The following CHRM2 variants were observed in gnomAD, a reference collection of about 807,000 sequenced individuals.
CHRM2 encodes cholinergic receptor muscarinic 2.
In CHRM2, 8 loss-of-function variants were observed where a neutral mutation model predicts 25.0. The ratio of observed to expected loss-of-function variants is 0.32; its 90% CI spans 0.19 to 0.58. The LOEUF is 0.58. CHRM2 is among the 20% of genes least tolerant of loss of function. CHRM2 has a pLI of 0.88. For synonymous variants in CHRM2, 202 were observed against 205.7 expected (o/e 0.98, Z 0.15); for missense variants, 440 against 567.1 (o/e 0.78, Z 2.28).
At chr7:137,013,773 C>T (rs938808636) in intron 3 of CHRM2, among the ~76,000 whole-genome samples, 2 of 151,962 alleles carry the variant, frequency 1.3e-5, no homozygotes, top group African/African-American at 4.8e-5. Flanking sequence ...TCTTCATCAA[C>T]CCATGTCTGC....
At chr7:136,955,973 G>C (rs766223073) in intron 2 of CHRM2, among the ~76,000 whole-genome samples, 2 of 151,988 alleles carry the variant, frequency 1.3e-5, no homozygotes, top group African/African-American at 2.4e-5. Context: ...TTGAATAAAT[G>C]GTAGTAATGT....
At chr7:136,903,759 G>A (rs558046385) in intron 2 of CHRM2, among the ~76,000 whole-genome samples, 55 of 151,848 alleles carry the variant, frequency 3.6e-4, no homozygotes, top group African/African-American at 1.3e-3. Flanking sequence ...AATTAATAAT[G>A]CTGAAACAGT....
chr7:136,901,373 C>T (rs968087853), intron 2 of CHRM2, among the ~76,000 whole-genome samples: 1 of 152,088 alleles, frequency 6.6e-6, no homozygotes, highest in Admixed American at 6.6e-5. Context: ...TTCAATGTCA[C>T]TGTGGCTTTA....
At chr7:136,982,541 G>A (rs1174098586) in intron 2 of CHRM2, among the ~76,000 whole-genome samples, 1 of 151,982 alleles carries the variant, frequency 6.6e-6, no homozygotes, top group Admixed American at 6.6e-5. Context: ...CATAGTCAAT[G>A]GTCTTTACAT....
At chr7:136,988,792 G>A (rs1029586369) in intron 2 of CHRM2, among the ~76,000 whole-genome samples, 3 of 152,008 alleles carry the variant, frequency 2.0e-5, no homozygotes, top group Admixed American at 1.3e-4. Flanking sequence ...CCTGATTATA[G>A]GCTGTTGCCA....
rs1486838543 is a variant in CHRM2, at chr7:137,014,972, T to C, written c.107T>C (p.Val36Ala). 9.9e-6 allele frequency: 16 copies of C among 1,613,206 alleles called. No individual in the cohort carries two copies. Among genetic ancestry groups the C allele is most frequent in the Non-Finnish European group, 1.4e-5 (16 of 1,179,554 alleles). The change falls in exon 4 of 4, where the codon GTG (valine) becomes GCG (alanine). Residue 36 changes from valine (V) to alanine (A), a missense_variant. Val to Ala is a moderately conservative substitution (Grantham distance 64). This residue lies in a region of CHRM2 where 86 missense variants were observed against 124.9 expected (regional missense o/e 0.69). Coordinates refer to ENST00000680005, the MANE Select transcript of CHRM2 (RefSeq NM_001006630.2). ...IVLVAGSLSL[V>A]TIIGNILVMV... is the part of the protein sequence containing the mutation. Reference sequence around the variant, plus strand: ...CTGGTGGCTGGATCCCTCAGTTTGGTGACCATTATCGGGAACATCCTAGTC... The same window carrying C: ...CTGGTGGCTGGATCCCTCAGTTTGGCGACCATTATCGGGAACATCCTAGTC...
chr7:136,927,556 T>C (rs1798819408), intron 2 of CHRM2, among the ~76,000 whole-genome samples: 1 of 152,202 alleles, frequency 6.6e-6, no homozygotes, highest in Non-Finnish European at 1.5e-5. Flanking sequence ...AAGTAAATTG[T>C]ACTCTTACAG....
At chr7:136,938,413 A>G (rs1799546364) in intron 2 of CHRM2, 2 of 1,502,720 alleles carry the variant, frequency 1.3e-6, no homozygotes, top group East Asian at 2.3e-5. Flanking sequence ...TACCTTGTCT[A>G]TGAAGGAGGC....
intron 2 of CHRM2, among the ~76,000 whole-genome samples, chr7:136,890,338 G>T (rs1796642970): frequency 6.6e-6 from 1 of 152,180 alleles, no homozygotes; most frequent in South Asian, 2.1e-4. Flanking sequence ...CGCTGTGTGT[G>T]TACTGCTAAG....
Position 136,975,775 on chromosome 7 carries a change from T to A in CHRM2, c.-124-16412T>A, listed in dbSNP as rs151216711. ...ATTTGGAACAAAGCCAATAAGATTGTGCCCATTATAAAACAGCCAACTGAT... is the reference window on the plus strand; with the variant it reads ...ATTTGGAACAAAGCCAATAAGATTGAGCCCATTATAAAACAGCCAACTGAT... On this transcript the variant is annotated intron_variant, in intron 2 of 3. Transcript: ENST00000680005. Among the ~76,000 whole-genome samples, 19 of 152,324 alleles carry A rather than the reference T, an allele frequency of 1.2e-4. No homozygotes were observed. In the East Asian group the frequency reaches 3.7e-3, roughly 29 times the overall value.
chr7:136,875,291 TCTTA>T (rs368330673), intron 2 of CHRM2, among the ~76,000 whole-genome samples: 5 of 152,182 alleles, frequency 3.3e-5, no homozygotes, highest in African/African-American at 1.2e-4. Flanking sequence ...GACGTTTTAC[TCTTA>T]CTTACATGAT....
chr7:136,934,305 T>C (rs1799286873), intron 2 of CHRM2, among the ~76,000 whole-genome samples: 1 of 152,256 alleles, frequency 6.6e-6, no homozygotes, highest in Admixed American at 6.5e-5. Context: ...AGTCTCTTCC[T>C]GGATAGTACC....
chr7:137,015,207 G>A lies in CHRM2; in HGVS notation c.342G>A (p.Leu114=). 1 of 1,613,374 alleles carries A rather than the reference G, an allele frequency of 6.2e-7. No individual in the cohort carries two copies. Among genetic ancestry groups the A allele is most frequent in the Non-Finnish European group, 8.5e-7 (1 of 1,179,624 alleles). Reference sequence around the variant, plus strand: ...TCAGCAATGCCTCAGTTATGAATCTGCTCATCATCAGCTTTGACAGGTACT... The same window carrying A: ...TCAGCAATGCCTCAGTTATGAATCTACTCATCATCAGCTTTGACAGGTACT... ...YVVSNASVMN[L]LIISFDRYFC... Residue 114 remains leucine (L), a synonymous_variant, in exon 4 of 4, where the codon CTG becomes CTA. Coordinates refer to ENST00000680005, the MANE Select transcript of CHRM2 (RefSeq NM_001006630.2). The surrounding 1 kb of genome is among the most constrained non-coding windows in gnomAD (Gnocchi z 5.1).
rs149861718 is a variant in CHRM2, at chr7:136,994,808, T to G, written c.-47+2544T>G. ...CTTAAATTATTTGATAAATACTAAC[T>G]TATGAGTGGGACTAGATCCCATATG... is the stretch of plus-strand genomic sequence containing the variant. On this transcript the variant is annotated intron_variant, in intron 3 of 3. Coordinates refer to ENST00000680005, the MANE Select transcript of CHRM2 (RefSeq NM_001006630.2). Among the ~76,000 whole-genome samples, 309 of 152,114 alleles carry G rather than the reference T, an allele frequency of 2.0e-3. 1 individual carries two copies. Among genetic ancestry groups the G allele is most frequent in the African/African-American group, 7.0e-3 (290 of 41,546 alleles).
chr7:136,875,108 TATATACAC>T (rs1178855918), intron 2 of CHRM2, among the ~76,000 whole-genome samples: 1 of 149,536 alleles, frequency 6.7e-6, no homozygotes, highest in African/African-American at 2.5e-5. Context: ...CATATATACA[TATATACAC>T]ACATATATAC....
chr7:136,958,432 G>A (rs908741569), intron 2 of CHRM2, among the ~76,000 whole-genome samples: 1 of 144,752 alleles, frequency 6.9e-6, no homozygotes, highest in Non-Finnish European at 1.5e-5. Flanking sequence ...ATTGTAAAAT[G>A]AAGAAGCAGT....
chr7:136,885,962 G>C (rs1237950935), intron 2 of CHRM2, among the ~76,000 whole-genome samples: 1 of 152,106 alleles, frequency 6.6e-6, no homozygotes, highest in East Asian at 1.9e-4. Flanking sequence ...GTGGTTTTGG[G>C]GAAATGGAAA....
intron 2 of CHRM2, among the ~76,000 whole-genome samples, chr7:136,895,463 G>T (rs1796856397): frequency 6.6e-6 from 1 of 152,186 alleles, no homozygotes; most frequent in Admixed American, 6.5e-5. Flanking sequence ...TATTTAACAG[G>T]TAGGACTGAT....
At chr7:137,003,034 A>G (rs1420368372) in intron 3 of CHRM2, among the ~76,000 whole-genome samples, 2 of 152,286 alleles carry the variant, frequency 1.3e-5, no homozygotes, top group East Asian at 3.9e-4. Context: ...CACAATGAGA[A>G]AATAACAGAG....
Sources: gnomAD v4.1 joint callset for allele counts (sites outside exome capture counted in the v4.1 genomes callset) on GRCh38, gnomAD v4.1.1 for gene constraint, gnomAD v4.1.1 regional missense constraint, Gnocchi (gnomAD v3.1) non-coding constraint, MANE v1.5 for transcripts, NCBI Gene and HGNC (gene_info 2026-07-23, HGNC 2026-07-21) for gene names.